Variants in PCDH9 observed in about 807,000 individuals in gnomAD.
PCDH9 encodes protocadherin 9.
Under a neutral mutation model 70.6 loss-of-function variants are expected in PCDH9, and 24 were observed. That is an observed-to-expected ratio of 0.34 (90% confidence interval 0.25 to 0.48). The LOEUF is 0.48. PCDH9 is among the 20% of genes least tolerant of loss of function. PCDH9 has a pLI of 0.99. For synonymous variants in PCDH9, 562 were observed against 558.5 expected (o/e 1.01, Z -0.09); for missense variants, 1,281 against 1,503.6 (o/e 0.85, Z 2.45).
chr13:66,827,921 A>C (rs1295440622), intron 3 of PCDH9, among the ~76,000 whole-genome samples: 1 of 152,182 alleles, frequency 6.6e-6, no homozygotes, highest in Non-Finnish European at 1.5e-5. Flanking sequence ...CAGGGATTAC[A>C]TATTTTCTTA....
At chr13:67,196,769 C>A (rs985522888) in intron 2 of PCDH9, among the ~76,000 whole-genome samples, 2 of 151,794 alleles carry the variant, frequency 1.3e-5, no homozygotes, top group African/African-American at 2.4e-5. Flanking sequence ...ACCAAAAAAC[C>A]CAAAATCCTA....
chr13:67,102,102 C>T (rs1439554431), intron 2 of PCDH9, among the ~76,000 whole-genome samples: 1 of 152,108 alleles, frequency 6.6e-6, no homozygotes, highest in Non-Finnish European at 1.5e-5. Flanking sequence ...TGTTCTTCTA[C>T]ATTAAAATAT....
chr13:66,515,231 C>T (rs998135140), intron 4 of PCDH9, among the ~76,000 whole-genome samples: 1 of 152,034 alleles, frequency 6.6e-6, no homozygotes, highest in Admixed American at 6.6e-5. Flanking sequence ...ATTAACCTTG[C>T]TTTGTTCACA....
At chr13:66,451,257 T>C (rs1357142084) in intron 4 of PCDH9, among the ~76,000 whole-genome samples, 1 of 152,192 alleles carries the variant, frequency 6.6e-6, no homozygotes, top group Non-Finnish European at 1.5e-5. Context: ...CAGAATAAAA[T>C]TCAGGAAATA....
At chr13:67,138,986 T>A (rs1208170008) in intron 2 of PCDH9, among the ~76,000 whole-genome samples, 1 of 152,134 alleles carries the variant, frequency 6.6e-6, no homozygotes, top group Non-Finnish European at 1.5e-5. Flanking sequence ...AGAAAATGAA[T>A]CTTGTATAGT....
intron 3 of PCDH9, among the ~76,000 whole-genome samples, chr13:66,837,930 C>T (rs1027817275): frequency 3.3e-5 from 5 of 151,742 alleles, no homozygotes; most frequent in Non-Finnish European, 5.9e-5. Flanking sequence ...TGCCAGGAAA[C>T]GCAATGGTAA....
At chr13:67,132,991 C>G (rs1345996914) in intron 2 of PCDH9, among the ~76,000 whole-genome samples, 3 of 151,928 alleles carry the variant, frequency 2.0e-5, no homozygotes, top group Non-Finnish European at 4.4e-5. Context: ...TCTTTTTATA[C>G]AGTATTTCAC....
intron 3 of PCDH9, among the ~76,000 whole-genome samples, chr13:66,795,900 C>G (rs75579893): frequency 5.9e-5 from 9 of 152,072 alleles, no homozygotes; most frequent in Non-Finnish European, 1.2e-4. Context: ...TGTGCTCACT[C>G]GCTCATGGCT....
At chr13:67,148,680 T>C (rs950407611) in intron 2 of PCDH9, among the ~76,000 whole-genome samples, 6 of 152,184 alleles carry the variant, frequency 3.9e-5, no homozygotes, top group Non-Finnish European at 8.8e-5. Context: ...TTTGAAGTCC[T>C]TATCTATGTT....
chr13:66,919,828 T>C (rs1267098696), intron 2 of PCDH9, among the ~76,000 whole-genome samples: 2 of 151,074 alleles, frequency 1.3e-5, no homozygotes, highest in East Asian at 1.9e-4. Context: ...ATTAGAAAAG[T>C]ATGAGGGACT....
intron 2 of PCDH9, among the ~76,000 whole-genome samples, chr13:67,098,916 A>C (rs1174342024): frequency 6.6e-6 from 1 of 152,246 alleles, no homozygotes; most frequent in Non-Finnish European, 1.5e-5. Flanking sequence ...TGGATTGTTC[A>C]GTTTTCTAGA....
intron 4 of PCDH9, among the ~76,000 whole-genome samples, chr13:66,515,450 A>G (rs1321464902): frequency 5.3e-5 from 8 of 152,028 alleles, no homozygotes; most frequent in African/African-American, 1.9e-4. Context: ...ACGGATAAAA[A>G]CATGGTATCA....
chr13:66,695,166 G>A (rs2078544058), intron 3 of PCDH9, among the ~76,000 whole-genome samples: 1 of 152,098 alleles, frequency 6.6e-6, no homozygotes, highest in South Asian at 2.1e-4. Flanking sequence ...GCCTCCCAAA[G>A]TGCTGGGATT....
At chr13:66,579,526 G>A (rs2076860917) in intron 4 of PCDH9, among the ~76,000 whole-genome samples, 1 of 152,066 alleles carries the variant, frequency 6.6e-6, no homozygotes, top group Non-Finnish European at 1.5e-5. Context: ...TGACAATTTT[G>A]CTGTGAGCCT....
At chr13:66,502,549 A>G (rs1195035882) in intron 4 of PCDH9, among the ~76,000 whole-genome samples, 1 of 152,182 alleles carries the variant, frequency 6.6e-6, no homozygotes, top group African/African-American at 2.4e-5. Flanking sequence ...GAGCAATTTT[A>G]CCTGCCAAGA....
At chr13:66,887,642 G>A (rs956449482) in intron 3 of PCDH9, among the ~76,000 whole-genome samples, 9 of 152,174 alleles carry the variant, frequency 5.9e-5, no homozygotes, top group East Asian at 1.9e-4. Flanking sequence ...GTATTAATGC[G>A]CTAATTACTA....
rs146034107 is a variant in PCDH9, at chr13:66,314,235, T to C, written c.3341-9207A>G. ...AACTTACCTGTCTGCCTTCGCTCCT[T>C]TCCCAGTGGTCTAAACTAATAACGT... On this transcript the variant is annotated intron_variant, in intron 4 of 4. Coordinates refer to ENST00000377865, the MANE Select transcript of PCDH9 (RefSeq NM_203487.3). Among the ~76,000 whole-genome samples, 34 of 152,350 alleles carry C rather than the reference T, an allele frequency of 2.2e-4. 1 individual carries two copies. In the East Asian group the frequency reaches 6.6e-3, roughly 29 times the overall value.
At chr13:66,765,402 G>C (rs769290366) in intron 3 of PCDH9, among the ~76,000 whole-genome samples, 8 of 151,888 alleles carry the variant, frequency 5.3e-5, no homozygotes, top group Non-Finnish European at 4.4e-5. Context: ...TTATACTTTG[G>C]AGTATTCTTA....
intron 2 of PCDH9, among the ~76,000 whole-genome samples, chr13:66,923,345 A>G (rs983753592): frequency 2.8e-4 from 43 of 151,780 alleles, no homozygotes; most frequent in African/African-American, 1.0e-3. Flanking sequence ...TTCTAGTTGT[A>G]TACATAATTA....
Sources: gnomAD v4.1 joint callset for allele counts (sites outside exome capture counted in the v4.1 genomes callset) on GRCh38, gnomAD v4.1.1 for gene constraint, MANE v1.5 for transcripts, NCBI Gene and HGNC (gene_info 2026-07-23, HGNC 2026-07-21) for gene names.